ARSL: variants seen among roughly 807,000 people sequenced by gnomAD.
The protein encoded by ARSL is arylsulfatase L.
Under a neutral mutation model 31.1 loss-of-function variants are expected in ARSL, and 4 were observed. The ratio of observed to expected loss-of-function variants is 0.13; its 90% CI spans 0.06 to 0.29. The LOEUF (loss-of-function observed/expected upper bound fraction) is 0.29. Ranked by LOEUF, ARSL falls within the 10% of genes least tolerant of loss-of-function variation. The pLI is 1.00. For synonymous variants in ARSL, 198 were observed against 209.9 expected (o/e 0.94, Z 0.49); for missense variants, 312 against 497.8 (o/e 0.63, Z 3.55).
Position 2,954,097 on chromosome X carries a change from G to A in ARSL, c.308-832C>T, listed in dbSNP as rs747828146. 5.4e-5 allele frequency among the ~76,000 whole-genome samples: 6 copies of A among 111,331 alleles called. No homozygotes were observed. In the South Asian group the frequency reaches 2.3e-3, roughly 43 times the overall value. ...TCAAAGTTGTCTGCCCATTGGAATC[G>A]TGTGGGGAGCTTCAAAATATTCTGA... is the stretch of plus-strand genomic sequence containing the variant. On this transcript the variant is annotated intron_variant, in intron 4 of 10. Transcript: ENST00000381134.
At chrX:2,955,680 C>A (rs2089515257) in intron 3 of ARSL, 143 bp from the exon 4 acceptor site, 1 of 706,389 alleles carries the variant, frequency 1.4e-6, no homozygotes, top group Admixed American at 2.7e-5. Context: ...AAGGTAATGT[C>A]AAAGATTTCT....
At chrX:2,962,480 G>A (rs1285117494) in intron 1 of ARSL, among the ~76,000 whole-genome samples, 1 of 110,805 alleles carries the variant, frequency 9.0e-6, no homozygotes, top group Non-Finnish European at 1.9e-5. Flanking sequence ...AGTGGCCGTG[G>A]TGTCTGTCCA....
intron 10 of ARSL, among the ~76,000 whole-genome samples, chrX:2,936,410 G>A (rs1238788584): frequency 9.0e-6 from 1 of 111,596 alleles, no homozygotes; most frequent in South Asian, 3.8e-4. Flanking sequence ...ATGCACATAC[G>A]TGTGTGTGAT....
chrX:2,957,220 C>CAAAAA (rs746761169), intron 3 of ARSL, among the ~76,000 whole-genome samples: 2,079 of 90,882 alleles, frequency 0.023, 83 homozygotes, highest in African/African-American at 0.082. Context: ...GACTCCGTCT[C>CAAAAA]AAAAAAAAAA....
At position 2,960,210 on chromosome X, in the gene ARSL, A is replaced by T. The variant is rs1329518695; in HGVS notation, c.23+168T>A. ...TGTGAACCCGGGAGGCGGAGCTTGC[A>T]GTGAGCCGAGATCGCGCCACTGCAC... is the stretch of plus-strand genomic sequence containing the variant. On this transcript the variant is annotated intron_variant, in intron 2 of 10. Coordinates refer to ENST00000381134, the MANE Select transcript of ARSL (RefSeq NM_000047.3). Among the ~76,000 whole-genome samples the T allele has an allele frequency of 8.5e-5, 6 of 70,276 alleles. No individual in the cohort carries two copies. In the Admixed American group the frequency reaches 9.9e-4, roughly 12 times the overall value. 61.0% of individuals were successfully genotyped at this position (70,276 alleles called of 115,157 possible). A position where few individuals can be genotyped will look rare whatever the true frequency, so the allele number is the denominator to read the frequency against.
At position 2,949,520 on chromosome X, in the gene ARSL, G is replaced by C; in HGVS notation, c.638C>G (p.Ala213Gly). 8.3e-7 allele frequency: 1 copy of C among 1,211,374 alleles called. No individual in the cohort carries two copies. Residue 213 changes from alanine to glycine, a missense_variant, in exon 6 of 11, where the codon GCA (alanine) becomes GGA (glycine). By Grantham distance (60) the Ala-to-Gly change is moderately conservative (BLOSUM62 0). Coordinates refer to ENST00000381134, the MANE Select transcript of ARSL (RefSeq NM_000047.3). Reference sequence around the variant, plus strand: ...GGGTATCAGGTGTGTGAGCTTCCCTGCTACCAGTGTGAGGGCAACCAAGGC... The same window carrying C: ...GGGTATCAGGTGTGTGAGCTTCCCTCCTACCAGTGTGAGGGCAACCAAGGC... ...VLALVALTLV[A>G]GKLTHLIPVS...
upstream of ARSL, among the ~76,000 whole-genome samples, chrX:2,966,737 T>A (rs768107444): frequency 9.1e-6 from 1 of 109,744 alleles, no homozygotes; most frequent in Non-Finnish European, 1.9e-5. Flanking sequence ...AAAATATATA[T>A]GTACATATAT....
rs751900621 is a variant in ARSL, at chrX:2,953,225, G to A, written c.348C>T (p.Thr116=). 21 of 1,208,756 alleles carry A rather than the reference G, an allele frequency of 1.7e-5. No homozygotes were observed. The South Asian group carries it at 2.8e-4, about 16-fold the overall frequency. Reference sequence around the variant, plus strand: ...TTGTTGGAAGACCTCCAGATGCTCCGGTCCACTGAAGAACACGGTAACCAA... The same window carrying A: ...TTGTTGGAAGACCTCCAGATGCTCCAGTCCACTGAAGAACACGGTAACCAA... ...SSIGYRVLQW[T]GASGGLPTNE... is the part of the protein sequence containing the mutation. The change falls in exon 5 of 11, where the codon ACC becomes ACT. Residue 116 remains threonine (T), a synonymous_variant. Transcript: ENST00000381134.
chrX:2,955,594 G>T (rs1395544818), intron 3 of ARSL, 57 bp from the exon 4 acceptor site: 2 of 1,172,596 alleles, frequency 1.7e-6, no homozygotes, highest in Non-Finnish European at 2.3e-6. Context: ...CTTTTCATAA[G>T]CATAGCTACA....
At chrX:2,957,284 T>A (rs1357705508) in intron 3 of ARSL, among the ~76,000 whole-genome samples, 1 of 109,327 alleles carries the variant, frequency 9.1e-6, no homozygotes, top group Non-Finnish European at 1.9e-5. Context: ...CCCAGGCTGG[T>A]CTTGAACTCC....
intron 3 of ARSL, among the ~76,000 whole-genome samples, chrX:2,956,968 T>A (rs988280869): frequency 9.4e-6 from 1 of 106,944 alleles, no homozygotes; most frequent in Non-Finnish European, 1.9e-5. Context: ...ACGCCTGTAA[T>A]CTCAGCACTT....
At chrX:2,936,099 C>T (rs1350937696) in intron 10 of ARSL, among the ~76,000 whole-genome samples, 2 of 110,069 alleles carry the variant, frequency 1.8e-5, no homozygotes, top group African/African-American at 3.3e-5. Context: ...TTTGGGAGGC[C>T]GAGGAGGGTG....
intron 5 of ARSL, among the ~76,000 whole-genome samples, chrX:2,951,614 C>CAAAAAAAAAAAAAA (rs1164575386): frequency 3.5e-5 from 1 of 28,896 alleles, no homozygotes; most frequent in Admixed American, 5.2e-4. Flanking sequence ...CCCATCTCTA[C>CAAAAAAAAAAAAAA]AAAAAAAAAA....
intron 7 of ARSL, 111 bp downstream of exon 7, chrX:2,945,887 A>G: frequency 9.6e-7 from 1 of 1,037,933 alleles, no homozygotes; most frequent in Non-Finnish European, 1.3e-6. Context: ...ATCCAATCGC[A>G]CTGCAATCGC....
At position 2,946,322 on chromosome X, in the gene ARSL, CTTTTTTTT is replaced by C. The variant is rs747661858; in HGVS notation, c.855-196_855-189del. 0.028 allele frequency among the ~76,000 whole-genome samples: 1,928 copies of C among 69,108 alleles called. 37 individuals are homozygous for C. The highest frequency in any genetic ancestry group is 0.075 in the African/African-American group (1,159 of 15,418). The allele number at this position is 69,108 out of a possible 115,157, so 60.0% of individuals were successfully genotyped here. ...TTAATTCTTATATTTAACAATCTTC[CTTTTTTTT>C]TTTTTTTTTTTTTTTTGGCTATTTT... On this transcript the variant is annotated intron_variant, in intron 6 of 10. Coordinates refer to ENST00000381134, the MANE Select transcript of ARSL (RefSeq NM_000047.3).
At chrX:2,962,735 C>G (rs5982619) in intron 1 of ARSL, among the ~76,000 whole-genome samples, 1 of 111,471 alleles carries the variant, frequency 9.0e-6, no homozygotes, top group African/African-American at 3.3e-5. Context: ...AAATAAATCT[C>G]AAGGCCCGCA....
chrX:2,957,093 C>T (rs190725319), intron 3 of ARSL, among the ~76,000 whole-genome samples: 1,144 of 107,336 alleles, frequency 0.011, 21 homozygotes, highest in African/African-American at 0.036. Context: ...TGGTGGTGGG[C>T]GCCTGTAGTC....
intron 2 of ARSL, among the ~76,000 whole-genome samples, chrX:2,960,132 G>A (rs1187922594): frequency 3.8e-4 from 34 of 90,401 alleles, no homozygotes; most frequent in East Asian, 1.3e-3. Context: ...AGCCGGGCGT[G>A]GTGGCAGGCG....
intron 2 of ARSL, chrX:2,959,567 C>G (rs1267812050): frequency 2.7e-6 from 3 of 1,126,203 alleles, no homozygotes; most frequent in Non-Finnish European, 3.5e-6. Flanking sequence ...CCCTGGAAAA[C>G]CAGACACCTG....
Sources: allele counts gnomAD v4.1 joint callset (sites outside exome capture counted in the v4.1 genomes callset), GRCh38; gene constraint gnomAD v4.1.1; transcripts MANE v1.5; gene names NCBI Gene and HGNC (gene_info 2026-07-23, HGNC 2026-07-21).